ANKS1A: variants seen among roughly 807,000 people sequenced by gnomAD.
ANKS1A encodes ankyrin repeat and SAM domain-containing protein 1A.
In ANKS1A, 55 loss-of-function variants were observed where a neutral mutation model predicts 120.3. The ratio of observed to expected loss-of-function variants is 0.46; its 90% CI spans 0.37 to 0.57. ANKS1A has a LOEUF of 0.57. Among genes scored for constraint, ANKS1A ranks in the 20% least tolerant of loss-of-function variants. The pLI, the probability that ANKS1A is intolerant of heterozygous loss-of-function variation, is 0.00. For missense variants in ANKS1A, 1,123 were observed against 1,480.3 expected, an observed-to-expected ratio of 0.76 and a Z score of 3.96; for synonymous variants, 590 against 604.7, an observed-to-expected ratio of 0.98 and a Z score of 0.36.
Position 35,090,284 on chromosome 6 carries a change from C to G in ANKS1A, c.*1675C>G, listed in dbSNP as rs1161358544. 3.9e-6 allele frequency: 5 copies of G among 1,289,768 alleles called. No homozygotes were observed. The South Asian group carries it at 4.9e-5, about 13-fold the overall frequency. 79.9% of individuals were successfully genotyped at this position (1,289,768 alleles called of 1,614,324 possible). ...TACAGTTCTCGGCCCCGGCTTTCTT[C>G]CAAGAGTTGACCAGGAACCCTAAAG... On this transcript the variant is annotated 3_prime_UTR_variant, in exon 24 of 24. Transcript: ENST00000360359.
intron 12 of ANKS1A, among the ~76,000 whole-genome samples, chr6:35,059,708 C>T (rs759541381): frequency 1.3e-5 from 2 of 152,158 alleles, no homozygotes; most frequent in African/African-American, 2.4e-5. Context: ...AGAGGAGCGG[C>T]GGGGCTTGTG....
the ANKS1A span, among the ~76,000 whole-genome samples, chr6:35,097,489 A>G: frequency 6.6e-6 from 1 of 150,652 alleles, no homozygotes. Flanking sequence ...AGCCTGGGTG[A>G]CACAGCCAGA....
At chr6:35,062,315 G>T (rs1776549566) in intron 13 of ANKS1A, among the ~76,000 whole-genome samples, 1 of 152,236 alleles carries the variant, frequency 6.6e-6, no homozygotes, top group Admixed American at 6.5e-5. Flanking sequence ...AGCATCCTGG[G>T]TAACCACGTG....
At chr6:34,904,804 CTTTTT>C (rs1005054329) in intron 1 of ANKS1A, among the ~76,000 whole-genome samples, 1 of 151,992 alleles carries the variant, frequency 6.6e-6, no homozygotes, top group African/African-American at 2.4e-5. Context: ...CTTTTCTTTT[CTTTTT>C]TTTCTTTTCT....
At chr6:35,004,934 C>A (rs1038854178) in intron 10 of ANKS1A, among the ~76,000 whole-genome samples, 2 of 152,162 alleles carry the variant, frequency 1.3e-5, no homozygotes, top group Admixed American at 1.3e-4. Context: ...TTATATTTTA[C>A]AAAGTTTTTG....
At chr6:34,909,390 TATC>T (rs977583845) in intron 1 of ANKS1A, among the ~76,000 whole-genome samples, 2 of 152,214 alleles carry the variant, frequency 1.3e-5, no homozygotes, top group African/African-American at 4.8e-5. Context: ...CCATAATCAT[TATC>T]ATTATCATTA....
At position 34,908,771 on chromosome 6, in the gene ANKS1A, A is replaced by G. The variant is rs145229557; in HGVS notation, c.197+19172A>G. 1.1e-4 allele frequency among the ~76,000 whole-genome samples: 16 copies of G among 152,230 alleles called. No individual in the cohort carries two copies. In the East Asian group the frequency reaches 1.9e-3, roughly 18 times the overall value. ...ATGCATTTGCTGACCCTTTACAATAACAACATGGCCCCAGGACAGAGTCAC... is the reference window on the plus strand; with the variant it reads ...ATGCATTTGCTGACCCTTTACAATAGCAACATGGCCCCAGGACAGAGTCAC... On this transcript the variant is annotated intron_variant, in intron 1 of 23. Coordinates refer to ENST00000360359, the MANE Select transcript of ANKS1A (RefSeq NM_015245.3).
At chr6:34,900,244 T>C (rs1414130297) in intron 1 of ANKS1A, among the ~76,000 whole-genome samples, 1 of 152,230 alleles carries the variant, frequency 6.6e-6, no homozygotes, top group East Asian at 1.9e-4. Flanking sequence ...CTTTTGCTTA[T>C]AAAGCACTGC....
chr6:35,067,176 GGTGA>G (rs1776818357), intron 13 of ANKS1A, among the ~76,000 whole-genome samples: 1 of 152,124 alleles, frequency 6.6e-6, no homozygotes, highest in East Asian at 1.9e-4. Context: ...GGGCCATAGT[GGTGA>G]GTATTAGAGA....
intron 10 of ANKS1A, among the ~76,000 whole-genome samples, chr6:35,015,285 C>T (rs1773941261): frequency 6.6e-6 from 1 of 152,016 alleles, no homozygotes; most frequent in African/African-American, 2.4e-5. Context: ...TCACTTGAGG[C>T]GAGGAGTTTG....
rs139292095 is a variant in ANKS1A, at chr6:35,032,268, T to TCAGTAGCC, written c.2010+14215_2010+14222dup. On this transcript the variant is annotated intron_variant, in intron 11 of 23. Coordinates refer to ENST00000360359, the MANE Select transcript of ANKS1A (RefSeq NM_015245.3). Reference sequence around the variant, plus strand: ...TCAGGCTTAGGGAGGCTGAAGGAGCTCAGTAGCCCAGTAAACAGTGTTGGG... The same window carrying TCAGTAGCC: ...TCAGGCTTAGGGAGGCTGAAGGAGCTCAGTAGCCCAGTAGCCCAGTAAACAGTGTTGGG... Among the ~76,000 whole-genome samples, 54 of 152,278 alleles carry TCAGTAGCC rather than the reference T, an allele frequency of 3.5e-4. No individual in the cohort carries two copies. In the East Asian group the frequency reaches 9.3e-3, roughly 26 times the overall value.
Position 35,084,231 on chromosome 6 carries a change from T to C in ANKS1A, c.3105T>C (p.Tyr1035=). The change falls in exon 21 of 24, where the codon TAT becomes TAC. Residue 1035 remains tyrosine (Y), a synonymous_variant. Transcript: ENST00000360359. This position sits in a 1 kb window ranked among gnomAD's most constrained non-coding sequence, Gnocchi z 4.8. ...AGGACCTGCAGACCAGCCACCACTA[T>C]TGCCATGTGTTCAGCACCGTGGATG... is the stretch of plus-strand genomic sequence containing the variant. ...ITKDLQTSHH[Y]CHVFSTVDVN... 1.2e-6 allele frequency: 2 copies of C among 1,614,198 alleles called. No individual in the cohort carries two copies. The highest frequency in any genetic ancestry group is 2.2e-5 in the East Asian group (1 of 44,880).
At chr6:35,095,556 C>CAAAAAAAAAAAAAAAAAAAAGAAAAA (rs34931330), downstream of ANKS1A, among the ~76,000 whole-genome samples, 1 of 55,306 alleles carries the variant, frequency 1.8e-5, no homozygotes. Flanking sequence ...GACTGTGTCA[C>CAAAAAAAAAAAAAAAAAAAAGAAAAA]AAAAAAAAAA....
chr6:34,993,928 T>A lies in ANKS1A; in HGVS notation c.1303-374T>A, dbSNP rs1333570113. Among the ~76,000 whole-genome samples the A allele has an allele frequency of 2.3e-4, 35 of 152,304 alleles. 1 individual carries two copies. On this transcript the variant is annotated intron_variant, in intron 9 of 23. Transcript: ENST00000360359. The stretch of plus-strand genomic sequence containing the variant: ...AAGGATCCTGGATTTTATTTAGCAT[T>A]TTTTGAAGACTAAAATCAAAGAAAA...
At chr6:34,998,142 G>T (rs373217530) in intron 10 of ANKS1A, among the ~76,000 whole-genome samples, 2 of 152,224 alleles carry the variant, frequency 1.3e-5, no homozygotes, top group Non-Finnish European at 2.9e-5. Context: ...GGAAAAGCTA[G>T]CCTAGAAGGA....
At chr6:34,961,706 T>C (rs1232433974) in intron 1 of ANKS1A, among the ~76,000 whole-genome samples, 2 of 152,204 alleles carry the variant, frequency 1.3e-5, no homozygotes, top group African/African-American at 2.4e-5. Context: ...GGACATGAAC[T>C]GAGAGGGCTG....
chr6:35,051,015 C>T (rs186234731), intron 11 of ANKS1A, among the ~76,000 whole-genome samples: 17 of 152,246 alleles, frequency 1.1e-4, no homozygotes, highest in East Asian at 3.9e-4. Context: ...ATTTCCCAGC[C>T]GGTCTGCAGT....
In ANKS1A at chr6:35,017,579, C is replaced by T. The variant is rs369143066; in HGVS notation, c.1530C>T (p.Cys510=). 3.8e-5 allele frequency: 62 copies of T among 1,613,878 alleles called. No individual in the cohort carries two copies. The highest frequency in any genetic ancestry group is 1.5e-4 in the Admixed American group (9 of 59,998). The change falls in exon 11 of 24, where the codon TGC becomes TGT. Residue 510 remains cysteine (C), a synonymous_variant. Coordinates refer to ENST00000360359, the MANE Select transcript of ANKS1A (RefSeq NM_015245.3). ...TCCTCCACGGCTCCTCCCCGGTGTG[C>T]GAGGTGGGGCAGGACCCTTTCCAGC... is the stretch of plus-strand genomic sequence containing the variant. ...SGLLHGSSPV[C]EVGQDPFQLL...
At chr6:35,013,642 A>G (rs553768326) in intron 10 of ANKS1A, among the ~76,000 whole-genome samples, 2 of 152,304 alleles carry the variant, frequency 1.3e-5, no homozygotes, top group Admixed American at 6.5e-5. Context: ...CAGACACTTC[A>G]TACATTTGTC....
Sources: allele counts gnomAD v4.1 joint callset (sites outside exome capture counted in the v4.1 genomes callset), GRCh38; gene constraint gnomAD v4.1.1; non-coding constraint Gnocchi (gnomAD v3.1); transcripts MANE v1.5; gene names NCBI Gene and HGNC (gene_info 2026-07-23, HGNC 2026-07-21).